APLN: variants seen among roughly 807,000 people sequenced by gnomAD.
APLN encodes the protein AGTRL1 ligand.
A neutral mutation model predicts 4.3 loss-of-function variants in APLN; 2 were observed. The observed-to-expected ratio is 0.46, with a 90% CI of 0.19 to 1.45. The LOEUF (loss-of-function observed/expected upper bound fraction) is 1.45, where lower values mean the gene tolerates loss of function less well. Among genes scored for constraint, APLN ranks in the 40% most tolerant of loss-of-function variants. The pLI is 0.25. For missense variants in APLN, 80 were observed against 70.0 expected (o/e 1.14, Z -0.51); for synonymous variants, 34 against 30.4 (o/e 1.12, Z -0.38).
rs747722040 is a variant in APLN, at chrX:129,653,735, G to A, written c.67+829C>T. 5.3e-5 allele frequency among the ~76,000 whole-genome samples: 6 copies of A among 112,624 alleles called. No homozygotes were observed. In the South Asian group the frequency reaches 1.1e-3, roughly 21 times the overall value. Reference sequence around the variant, plus strand: ...CTTTCCTGAGCTGCAGGGAGGGGTCGGGTCAGGTGCTGTGCTTCCTCCTTT... The same window carrying A: ...CTTTCCTGAGCTGCAGGGAGGGGTCAGGTCAGGTGCTGTGCTTCCTCCTTT... On this transcript the variant is annotated intron_variant, in intron 1 of 2. Coordinates refer to ENST00000429967, the MANE Select transcript of APLN (RefSeq NM_017413.5).
At chrX:129,649,880 G>C (rs898524157) in intron 1 of APLN, among the ~76,000 whole-genome samples, 1 of 111,438 alleles carries the variant, frequency 9.0e-6, no homozygotes, top group African/African-American at 3.3e-5. Flanking sequence ...TGGGTGCAGT[G>C]AGGGAAAAGG....
Position 129,651,289 on chromosome X carries a change from G to A in APLN, c.68-2497C>T, listed in dbSNP as rs191925800. On this transcript the variant is annotated intron_variant, in intron 1 of 2. Coordinates refer to ENST00000429967, the MANE Select transcript of APLN (RefSeq NM_017413.5). Reference sequence around the variant, plus strand: ...GGGACTCATTGTCCTCAGCATCACCGAGATCTGCTGGCTCCTCCCGCACTC... The same window carrying A: ...GGGACTCATTGTCCTCAGCATCACCAAGATCTGCTGGCTCCTCCCGCACTC... Among the ~76,000 whole-genome samples, 39 of 110,402 alleles carry A rather than the reference G, an allele frequency of 3.5e-4. No individual in the cohort carries two copies. The East Asian group carries it at 5.1e-3, about 15-fold the overall frequency.
chrX:129,648,652 A>G lies in APLN; in HGVS notation c.208T>C (p.Ser70Pro), dbSNP rs1362626845. The G allele has an allele frequency of 8.3e-7, 1 of 1,198,497 alleles. No individual in the cohort carries two copies. The highest frequency in any genetic ancestry group is 3.0e-5 in the East Asian group (1 of 33,285). ...RKFRRQRPRL[S>P]HKGPMPF Reference sequence around the variant, plus strand: ...CAGAAAGGCATGGGTCCCTTATGGGAGAGGCGGGGCCGCTGGCGGCGGAAT... The same window carrying G: ...CAGAAAGGCATGGGTCCCTTATGGGGGAGGCGGGGCCGCTGGCGGCGGAAT... The change falls in exon 2 of 3, where the codon TCC becomes CCC. Residue 70 changes from serine (S) to proline (P), a missense_variant. Transcript: ENST00000429967.
chrX:129,649,721 T>C (rs776579605), intron 1 of APLN, among the ~76,000 whole-genome samples: 1 of 111,250 alleles, frequency 9.0e-6, no homozygotes, highest in East Asian at 2.8e-4. Context: ...CTCATGTAAA[T>C]TCCTTCCATT....
In APLN at chrX:129,647,634, C is replaced by T. The variant is rs751968070; in HGVS notation, c.*289G>A. Reference sequence around the variant, plus strand: ...CAGGCAGGGACTAGGGCGGAGGGGACCTGGAGAAGAAGGGAGGCTTTCTGG... The same window carrying T: ...CAGGCAGGGACTAGGGCGGAGGGGATCTGGAGAAGAAGGGAGGCTTTCTGG... On this transcript the variant is annotated 3_prime_UTR_variant, in exon 3 of 3. Transcript: ENST00000429967. 162 of 979,849 alleles carry T rather than the reference C, an allele frequency of 1.7e-4. 1 individual carries two copies. The African/African-American group carries it at 3.1e-3, about 19-fold the overall frequency. 80.8% of individuals were successfully genotyped at this position (979,849 alleles called of 1,213,427 possible). A position where few individuals can be genotyped will look rare whatever the true frequency, so the allele number is the denominator to read the frequency against.
In APLN at chrX:129,647,914, A is replaced by G. The variant is rs1425473899; in HGVS notation, c.*9T>C. ...GGGGTGGGCACTTGGGGGCCCCTTC[A>G]GTCCTAAGGAGACAAAAATGACAAG... On this transcript the variant is annotated 3_prime_UTR_variant, in exon 3 of 3. Coordinates refer to ENST00000429967, the MANE Select transcript of APLN (RefSeq NM_017413.5). 1 of 982,658 alleles carries G rather than the reference A, an allele frequency of 1.0e-6. No homozygotes were observed. Among genetic ancestry groups the G allele is most frequent in the Non-Finnish European group, 1.3e-6 (1 of 755,840 alleles). 81.0% of individuals were successfully genotyped at this position (982,658 alleles called of 1,213,427 possible).
rs1472967945 is a variant in APLN at position 129,645,378 on chromosome X, A to G, written c.*2545T>C. 8.9e-6 allele frequency: 1 copy of G among 112,859 alleles called. No individual in the cohort carries two copies. Among genetic ancestry groups the G allele is most frequent in the Non-Finnish European group, 1.9e-5 (1 of 53,441 alleles). The allele number at this position is 112,859 out of a possible 1,213,427, so 9.3% of individuals were successfully genotyped here. A position where few individuals can be genotyped will look rare whatever the true frequency, so the allele number is the denominator to read the frequency against. The stretch of plus-strand genomic sequence containing the variant: ...ATCAAATGTATTTATTGCTGAAAAC[A>G]TAACATTTTTCAAGAAAGGCAAACT... On this transcript the variant is annotated 3_prime_UTR_variant, in exon 3 of 3. Transcript: ENST00000429967.
intron 1 of APLN, among the ~76,000 whole-genome samples, chrX:129,654,121 G>T (rs2124451633): frequency 8.8e-6 from 1 of 113,089 alleles, no homozygotes; most frequent in East Asian, 2.8e-4. Context: ...GGACTGGCGG[G>T]AGGCTCCCAG....
intron 2 of APLN, 110 bp downstream of exon 2, chrX:129,648,511 G>A: frequency 1.1e-6 from 1 of 935,751 alleles, no homozygotes; most frequent in South Asian, 2.4e-5. Context: ...GTGGCGCCAG[G>A]ACTGTTTGAT....
chrX:129,653,937 AGCCCAGCCCGGCTGG>A (rs899785673), intron 1 of APLN, among the ~76,000 whole-genome samples: 1 of 111,786 alleles, frequency 8.9e-6, no homozygotes, highest in Non-Finnish European at 1.9e-5. Context: ...GGAGAAGACC[AGCCCAGCCCGGCTGG>A]GCCCGGCCCT....
At position 129,647,404 on chromosome X, in the gene APLN, T is replaced by C. The variant is rs911269758; in HGVS notation, c.*519A>G. ...GCACTTCCATGCCCCCAATGTGCCC[T>C]GTCTGGATCCCCGCAGCCAGCACCT... On this transcript the variant is annotated 3_prime_UTR_variant, in exon 3 of 3. Coordinates refer to ENST00000429967, the MANE Select transcript of APLN (RefSeq NM_017413.5). The C allele has an allele frequency of 3.7e-6, 1 of 268,635 alleles. No homozygotes were observed. The highest frequency in any genetic ancestry group is 6.6e-6 in the Non-Finnish European group (1 of 150,394). The allele number at this position is 268,635 out of a possible 1,213,427, so 22.1% of individuals were successfully genotyped here.
chrX:129,648,873 G>T, intron 1 of APLN, 81 bp from the exon 2 acceptor site: 1 of 920,894 alleles, frequency 1.1e-6, no homozygotes, highest in Non-Finnish European at 1.5e-6. Flanking sequence ...CGCGGGAGGG[G>T]TGGTCTGTCC....
At chrX:129,651,235 A>G (rs2235308) in intron 1 of APLN, among the ~76,000 whole-genome samples, 33,252 of 109,768 alleles carry the variant, frequency 0.3, 7,509 homozygotes, top group African/African-American at 0.76. Context: ...GAGCAGCCCC[A>G]GGCTTCTTGC....
rs1017182581 is a variant in APLN at position 129,645,379 on chromosome X, T to G, written c.*2544A>C. 1.8e-5 allele frequency: 2 copies of G among 112,591 alleles called. No individual in the cohort carries two copies. The highest frequency in any genetic ancestry group is 6.5e-5 in the African/African-American group (2 of 30,979). 9.3% of individuals were successfully genotyped at this position (112,591 alleles called of 1,213,427 possible). The stretch of plus-strand genomic sequence containing the variant: ...TCAAATGTATTTATTGCTGAAAACA[T>G]AACATTTTTCAAGAAAGGCAAACTG... On this transcript the variant is annotated 3_prime_UTR_variant, in exon 3 of 3. Coordinates refer to ENST00000429967, the MANE Select transcript of APLN (RefSeq NM_017413.5).
intron 1 of APLN, 54 bp from the exon 2 acceptor site, chrX:129,648,846 G>A (rs1158443446): frequency 2.8e-6 from 3 of 1,067,519 alleles, no homozygotes; most frequent in African/African-American, 3.7e-5. Flanking sequence ...ACGGGCAGGG[G>A]CTGCAGACCA....
At chrX:129,654,077 T>C (rs1212607152) in intron 1 of APLN, among the ~76,000 whole-genome samples, 1 of 113,130 alleles carries the variant, frequency 8.8e-6, no homozygotes, top group Non-Finnish European at 1.9e-5. Flanking sequence ...CACGTCTGCA[T>C]GTTGGCACAT....
At chrX:129,651,308 C>CTGA (rs1936977716) in intron 1 of APLN, among the ~76,000 whole-genome samples, 1 of 110,276 alleles carries the variant, frequency 9.1e-6, no homozygotes, top group Non-Finnish European at 1.9e-5. Context: ...TGGCTCCTCC[C>CTGA]GCACTCTGAG....
chrX:129,649,015 T>G, intron 1 of APLN, among the ~76,000 whole-genome samples: 1 of 112,641 alleles, frequency 8.9e-6, no homozygotes, highest in Non-Finnish European at 1.9e-5. Context: ...GCTGACTTTC[T>G]GTCCTTTTGA....
intron 1 of APLN, among the ~76,000 whole-genome samples, chrX:129,653,480 G>A (rs1042537353): frequency 1.3e-4 from 15 of 112,654 alleles, no homozygotes; most frequent in African/African-American, 3.9e-4. Context: ...TGGTCCTGGC[G>A]TTAGTCCACC....
Sources: gnomAD v4.1 joint callset for allele counts (sites outside exome capture counted in the v4.1 genomes callset) on GRCh38, gnomAD v4.1.1 for gene constraint, MANE v1.5 for transcripts, NCBI Gene and HGNC (gene_info 2026-07-23, HGNC 2026-07-21) for gene names.